Variants in SMG6 observed in about 807,000 individuals in gnomAD.
The protein encoded by SMG6 is telomerase-binding protein EST1A.
SMG6 carries 66 observed loss-of-function variants against 142.2 expected under a neutral mutation model. The ratio of observed to expected loss-of-function variants is 0.46; its 90% CI spans 0.38 to 0.57. The LOEUF is 0.57. SMG6 is among the 20% of genes least tolerant of loss of function. The probability of loss-of-function intolerance (pLI) is 0.00; values close to 1 mark genes in which losing one functional copy is unlikely to be tolerated. For synonymous variants in SMG6, 779 were observed against 702.4 expected (o/e 1.11, Z -1.72); for missense variants, 1,793 against 1,832.0 (o/e 0.98, Z 0.39).
chr17:2,184,445 G>A (rs1031500825), intron 12 of SMG6, among the ~76,000 whole-genome samples: 2 of 151,670 alleles, frequency 1.3e-5, no homozygotes, highest in Admixed American at 6.6e-5. Flanking sequence ...ATCACCTGAG[G>A]TCAGGAGTTT....
Position 2,197,765 on chromosome 17 carries a change from T to C in SMG6, c.2870-9250A>G, listed in dbSNP as rs181942178. Among the ~76,000 whole-genome samples, 11 of 151,864 alleles carry C rather than the reference T, an allele frequency of 7.2e-5. No homozygotes were observed. In the East Asian group the frequency reaches 1.2e-3, roughly 16 times the overall value. ...AATTAGCCATTAGGGAAATGGAAAA[T>C]AAAACTACAGTGAGATCTCATTACA... On this transcript the variant is annotated intron_variant, in intron 10 of 18. Coordinates refer to ENST00000263073, the MANE Select transcript of SMG6 (RefSeq NM_017575.5).
chr17:2,151,095 C>G (rs1244042007), intron 13 of SMG6, among the ~76,000 whole-genome samples: 1 of 152,190 alleles, frequency 6.6e-6, no homozygotes, highest in Non-Finnish European at 1.5e-5. Context: ...ACAGCACCAG[C>G]TGAAATGGAC....
intron 8 of SMG6, among the ~76,000 whole-genome samples, chr17:2,250,290 TA>T (rs2074018290): frequency 6.6e-6 from 1 of 152,128 alleles, no homozygotes; most frequent in Non-Finnish European, 1.5e-5. Flanking sequence ...ACAGTAAGGG[TA>T]GTCAGTATTA....
intron 13 of SMG6, among the ~76,000 whole-genome samples, chr17:2,168,081 T>C (rs761385952): frequency 3.9e-5 from 6 of 152,198 alleles, no homozygotes; most frequent in Non-Finnish European, 8.8e-5. Context: ...TCACCCAGGC[T>C]GGTTTAGAGA....
At chr17:2,111,497 G>T (rs1031693609) in intron 13 of SMG6, among the ~76,000 whole-genome samples, 2 of 152,012 alleles carry the variant, frequency 1.3e-5, no homozygotes, top group Non-Finnish European at 2.9e-5. Context: ...CTGCAGCCTC[G>T]ACCTCCTGGG....
At chr17:2,163,977 G>A (rs1351237048) in intron 13 of SMG6, among the ~76,000 whole-genome samples, 3 of 151,618 alleles carry the variant, frequency 2.0e-5, no homozygotes, top group Admixed American at 6.6e-5. Flanking sequence ...CAGGAGAATC[G>A]CTTGAACCAA....
At chr17:2,099,579 A>G (rs1247993204) in intron 13 of SMG6, among the ~76,000 whole-genome samples, 1 of 152,136 alleles carries the variant, frequency 6.6e-6, no homozygotes, top group Non-Finnish European at 1.5e-5. Flanking sequence ...GGGCTGAGGT[A>G]GAAAGCCATT....
chr17:2,143,865 C>T (rs1383182072), intron 13 of SMG6, among the ~76,000 whole-genome samples: 2 of 152,114 alleles, frequency 1.3e-5, no homozygotes, highest in Admixed American at 6.5e-5. Context: ...TTTTTCTCCA[C>T]AACTGTACTG....
At chr17:2,245,261 AT>A (rs1332768232) in intron 8 of SMG6, among the ~76,000 whole-genome samples, 6 of 152,332 alleles carry the variant, frequency 3.9e-5, no homozygotes, top group African/African-American at 1.4e-4. Flanking sequence ...GGAGTTGAAA[AT>A]TCAAGTGTCT....
At position 2,303,670 on chromosome 17, in the gene SMG6, C is replaced by A; in HGVS notation, c.51G>T (p.Gly17=). ...RVRISASELR[G]ILATLAPQAG... ...CCTGCGGGGCCAGAGTAGCCAGGAT[C>A]CCGCGCAGCTCCGACGCGGAGATCC... Residue 17 remains glycine, a synonymous_variant, in exon 1 of 19, where the codon GGG becomes GGT. Coordinates refer to ENST00000263073, the MANE Select transcript of SMG6 (RefSeq NM_017575.5). 6.7e-7 allele frequency: 1 copy of A among 1,493,946 alleles called. No homozygotes were observed. The highest frequency in any genetic ancestry group is 8.9e-7 in the Non-Finnish European group (1 of 1,128,292). 92.5% of individuals were successfully genotyped at this position (1,493,946 alleles called of 1,614,324 possible). A position where few individuals can be genotyped will look rare whatever the true frequency, so the allele number is the denominator to read the frequency against.
At chr17:2,252,606 G>A (rs1354412669) in intron 8 of SMG6, among the ~76,000 whole-genome samples, 1 of 152,184 alleles carries the variant, frequency 6.6e-6, no homozygotes, top group Admixed American at 6.6e-5. Flanking sequence ...TTCTAGGGCT[G>A]TTTCTTCAAC....
At chr17:2,173,058 G>A (rs9898819) in intron 12 of SMG6, 199 bp from the exon 13 acceptor site, 186,335 of 594,578 alleles carry the variant, frequency 0.31, 30,566 homozygotes, top group African/African-American at 0.47. Context: ...GTGGATTTAT[G>A]CAAAGTTGAA....
chr17:2,065,914 G>A, intron 16 of SMG6: 1 of 570,952 alleles, frequency 1.8e-6, no homozygotes, highest in Non-Finnish European at 3.1e-6. Context: ...CCCTCCTCTT[G>A]GGAGGAACTT....
In SMG6 at chr17:2,195,733, CTGAG is replaced by C. The variant is rs72192399; in HGVS notation, c.2870-7222_2870-7219del. 9.7e-3 allele frequency among the ~76,000 whole-genome samples: 1,482 copies of C among 152,288 alleles called. 25 individuals are homozygous for C. The highest frequency in any genetic ancestry group is 0.025 in the African/African-American group (1,019 of 41,546). ...TCTCAAAGCTTTACAAAAGGATTGC[CTGAG>C]TATTATTCTCCTTTTTGACATTTGA... is the stretch of plus-strand genomic sequence containing the variant. On this transcript the variant is annotated intron_variant, in intron 10 of 18. Coordinates refer to ENST00000263073, the MANE Select transcript of SMG6 (RefSeq NM_017575.5).
At chr17:2,076,252 G>T (rs923909700) in intron 15 of SMG6, among the ~76,000 whole-genome samples, 5 of 152,148 alleles carry the variant, frequency 3.3e-5, no homozygotes, top group African/African-American at 1.2e-4. Context: ...CCTGGAGACT[G>T]ATGGAGTTCA....
At position 2,298,072 on chromosome 17, in the gene SMG6, G is replaced by C; in HGVS notation, c.1848-17C>G. 6.3e-7 allele frequency: 1 copy of C among 1,578,890 alleles called. No homozygotes were observed. The highest frequency in any genetic ancestry group is 8.6e-7 in the Non-Finnish European group (1 of 1,167,330). ...AGTTCAGCTCTGGAATAAAATACAT[G>C]CAACTTCCAGCTCCAAATACACCAC... On this transcript the variant is annotated splice_polypyrimidine_tract_variant and intron_variant, in intron 2 of 18. Coordinates refer to ENST00000263073, the MANE Select transcript of SMG6 (RefSeq NM_017575.5).
chr17:2,256,662 C>T (rs1373912500), intron 8 of SMG6, among the ~76,000 whole-genome samples: 1 of 152,120 alleles, frequency 6.6e-6, no homozygotes, highest in East Asian at 1.9e-4. Context: ...GTAGTTCTAG[C>T]TACTTGTGAG....
chr17:2,292,661 A>G lies in SMG6; in HGVS notation c.2259-31T>C, dbSNP rs776909662. On this transcript the variant is annotated intron_variant, in intron 5 of 18. Coordinates refer to ENST00000263073, the MANE Select transcript of SMG6 (RefSeq NM_017575.5). The stretch of plus-strand genomic sequence containing the variant: ...ACAGAAAAAACAGTAAGAAAATGCT[A>G]GTTCCAGATTAGCTTTTTCCCAATT... 9 of 1,610,964 alleles carry G rather than the reference A, an allele frequency of 5.6e-6. No homozygotes were observed. The Admixed American group carries it at 1.5e-4, about 27-fold the overall frequency.
At chr17:2,196,145 G>A (rs548974719) in intron 10 of SMG6, among the ~76,000 whole-genome samples, 1 of 152,316 alleles carries the variant, frequency 6.6e-6, no homozygotes, top group Admixed American at 6.5e-5. Context: ...ACAAAGCCAG[G>A]CATGGTGACT....
Sources: allele counts gnomAD v4.1 joint callset (sites outside exome capture counted in the v4.1 genomes callset), GRCh38; gene constraint gnomAD v4.1.1; transcripts MANE v1.5; gene names NCBI Gene and HGNC (gene_info 2026-07-23, HGNC 2026-07-21).